The following PTN variants were observed in gnomAD, a reference collection of about 807,000 sequenced individuals.
PTN encodes the protein pleiotrophin, also known as heparin affin regulatory protein.
A neutral mutation model predicts 24.1 loss-of-function variants in PTN; 18 were observed. The observed-to-expected ratio is 0.75, with a 90% CI of 0.52 to 1.11. The LOEUF (loss-of-function observed/expected upper bound fraction) is 1.11. PTN is among the 50% of genes least tolerant of loss of function. The pLI, the probability that PTN is intolerant of heterozygous loss-of-function variation, is 0.00. For synonymous variants in PTN, 78 were observed against 68.6 expected, an observed-to-expected ratio of 1.14 and a Z score of -0.67; for missense variants, 163 against 198.8, an observed-to-expected ratio of 0.82 and a Z score of 1.08.
At chr7:137,284,870 G>A (rs1426059528) in intron 1 of PTN, among the ~76,000 whole-genome samples, 3 of 152,090 alleles carry the variant, frequency 2.0e-5, no homozygotes, top group East Asian at 1.9e-4. Context: ...ATTGGTGAGC[G>A]AATCAATATT....
At chr7:137,324,433 A>AAAAAAAAAAAAAT in intron 1 of PTN, among the ~76,000 whole-genome samples, 1 of 88,762 alleles carries the variant, frequency 1.1e-5, no homozygotes, top group African/African-American at 6.9e-5. Flanking sequence ...AAAAAAAAAA[A>AAAAAAAAAAAAAT]ATATATATAT....
chr7:137,269,622 C>CTTTTTTT (rs1194863462), intron 1 of PTN, among the ~76,000 whole-genome samples: 7 of 106,050 alleles, frequency 6.6e-5, no homozygotes, highest in African/African-American at 3.2e-4. Context: ...GCTGCTTCAT[C>CTTTTTTT]TATTTTTTTT....
At chr7:137,257,630 T>G (rs879259609) in intron 1 of PTN, among the ~76,000 whole-genome samples, 1 of 152,220 alleles carries the variant, frequency 6.6e-6, no homozygotes, top group Non-Finnish European at 1.5e-5. Context: ...TGGCAGAAAC[T>G]TTTCATTTCA....
intron 4 of PTN, among the ~76,000 whole-genome samples, chr7:137,242,526 T>C (rs1808648686): frequency 6.6e-6 from 1 of 152,190 alleles, no homozygotes; most frequent in Non-Finnish European, 1.5e-5. Flanking sequence ...CCAGATAAAC[T>C]TGGTAGCTGG....
chr7:137,308,337 C>G (rs780371285), intron 1 of PTN, among the ~76,000 whole-genome samples: 8 of 151,832 alleles, frequency 5.3e-5, no homozygotes, highest in African/African-American at 9.7e-5. Context: ...ACTGGACTTA[C>G]CAATAGGAAA....
chr7:137,263,030 G>A (rs575482099), intron 1 of PTN, among the ~76,000 whole-genome samples: 14 of 152,042 alleles, frequency 9.2e-5, no homozygotes, highest in Non-Finnish European at 1.9e-4. Flanking sequence ...CTTTTTATTA[G>A]TTGGAGTTCT....
intron 1 of PTN, among the ~76,000 whole-genome samples, chr7:137,313,618 C>G (rs1255152306): frequency 6.6e-6 from 1 of 152,166 alleles, no homozygotes; most frequent in Non-Finnish European, 1.5e-5. Context: ...TATACTCACT[C>G]TTTCCCTTAT....
intron 1 of PTN, among the ~76,000 whole-genome samples, chr7:137,301,926 G>A (rs1001904327): frequency 6.6e-6 from 1 of 151,640 alleles, no homozygotes; most frequent in Non-Finnish European, 1.5e-5. Context: ...TAATTAAAAC[G>A]TTAGTATATG....
intron 4 of PTN, among the ~76,000 whole-genome samples, chr7:137,247,274 A>G (rs1808740177): frequency 6.6e-6 from 1 of 152,246 alleles, no homozygotes; most frequent in South Asian, 2.1e-4. Context: ...GTAAGTGGCC[A>G]TCAACGGATG....
At chr7:137,340,127 A>G (rs1810511155) in intron 1 of PTN, among the ~76,000 whole-genome samples, 1 of 152,236 alleles carries the variant, frequency 6.6e-6, no homozygotes, top group South Asian at 2.1e-4. Context: ...AAAGCCTAGA[A>G]AAATGAATTA....
chr7:137,285,430 C>G (rs1247385231), intron 1 of PTN, among the ~76,000 whole-genome samples: 1 of 152,124 alleles, frequency 6.6e-6, no homozygotes, highest in Admixed American at 6.5e-5. Context: ...CTTTGAGAGG[C>G]CAAGGTGGGC....
intron 1 of PTN, among the ~76,000 whole-genome samples, chr7:137,266,547 T>TA (rs1809149809): frequency 1.3e-5 from 2 of 151,954 alleles, no homozygotes; most frequent in African/African-American, 2.4e-5. Context: ...ACATTTTTTT[T>TA]TAAAAAAACA....
chr7:137,287,521 C>A (rs1425707182), intron 1 of PTN, among the ~76,000 whole-genome samples: 2 of 151,782 alleles, frequency 1.3e-5, no homozygotes, highest in Non-Finnish European at 2.9e-5. Context: ...AATCCAACAA[C>A]CAGAATTTGT....
chr7:137,305,663 T>G (rs536931052), intron 1 of PTN, among the ~76,000 whole-genome samples: 10 of 152,072 alleles, frequency 6.6e-5, no homozygotes, highest in Non-Finnish European at 1.3e-4. Flanking sequence ...CTGTCAGATT[T>G]CAAGAATATA....
At chr7:137,310,858 A>G (rs1809969980) in intron 1 of PTN, among the ~76,000 whole-genome samples, 1 of 152,146 alleles carries the variant, frequency 6.6e-6, no homozygotes, top group South Asian at 2.1e-4. Flanking sequence ...GGAGATGGTT[A>G]CTTTCCTTAA....
chr7:137,341,564 T>G (rs1484760649), intron 1 of PTN, among the ~76,000 whole-genome samples: 6 of 152,250 alleles, frequency 3.9e-5, no homozygotes, highest in South Asian at 2.1e-4. Flanking sequence ...AGTCAGATAA[T>G]TAAAAAGTCA....
chr7:137,247,079 A>T (rs1223773376), intron 4 of PTN, among the ~76,000 whole-genome samples: 1 of 152,202 alleles, frequency 6.6e-6, no homozygotes, highest in Non-Finnish European at 1.5e-5. Flanking sequence ...ATAAGAAAAA[A>T]TGTTGATGAT....
At chr7:137,300,071 C>G (rs1809782429) in intron 1 of PTN, among the ~76,000 whole-genome samples, 1 of 151,554 alleles carries the variant, frequency 6.6e-6, no homozygotes, top group Non-Finnish European at 1.5e-5. Context: ...TGTCACTTCT[C>G]TCTTTACAAC....
intron 1 of PTN, among the ~76,000 whole-genome samples, chr7:137,298,133 G>T (rs1489667882): frequency 2.6e-5 from 4 of 152,040 alleles, no homozygotes; most frequent in African/African-American, 9.7e-5. Context: ...TTAAGAGCCT[G>T]TAAGGATTCT....
Sources: gnomAD v4.1 joint callset for allele counts (sites outside exome capture counted in the v4.1 genomes callset) on GRCh38, gnomAD v4.1.1 for gene constraint, MANE v1.5 for transcripts, NCBI Gene and HGNC (gene_info 2026-07-23, HGNC 2026-07-21) for gene names.